Variants in PTPRD observed in about 807,000 individuals in gnomAD.
PTPRD encodes the protein protein tyrosine phosphatase receptor type D.
In PTPRD, 34 loss-of-function variants were observed where a neutral mutation model predicts 214.5. That is an observed-to-expected ratio of 0.16 (90% CI 0.12 to 0.21). The LOEUF (loss-of-function observed/expected upper bound fraction) is 0.21. PTPRD is among the 10% of genes least tolerant of loss of function. PTPRD has a pLI of 1.00. For missense variants in PTPRD, 2,545 were observed against 2,398.7 expected (o/e 1.06, Z -1.27); for synonymous variants, 1,128 against 845.7 (o/e 1.33, Z -5.79).
chr9:9,918,365 A>C (rs939381721), intron 5 of PTPRD, among the ~76,000 whole-genome samples: 3 of 150,534 alleles, frequency 2.0e-5, no homozygotes, highest in African/African-American at 7.3e-5. Flanking sequence ...AAAAAAAAAA[A>C]AAAAACTCCA....
At chr9:10,599,017 T>C (rs1256256940) in intron 2 of PTPRD, among the ~76,000 whole-genome samples, 4 of 151,642 alleles carry the variant, frequency 2.6e-5, no homozygotes, top group African/African-American at 4.8e-5. Flanking sequence ...GGGACTACAT[T>C]TCCCAGCTTC....
intron 9 of PTPRD, among the ~76,000 whole-genome samples, chr9:9,271,177 C>T (rs930653684): frequency 6.6e-6 from 1 of 151,188 alleles, no homozygotes; most frequent in Non-Finnish European, 1.5e-5. Flanking sequence ...ATTAGTCATA[C>T]ATCTCAATTT....
chr9:9,684,975 T>C (rs575655112), intron 7 of PTPRD, among the ~76,000 whole-genome samples: 3 of 151,722 alleles, frequency 2.0e-5, no homozygotes, highest in African/African-American at 4.8e-5. Flanking sequence ...AAGAATCTTA[T>C]TTCGGTTGAT....
intron 20 of PTPRD, 92 bp from the exon 21 acceptor site, chr9:8,518,521 A>T (rs532870011): frequency 2.2e-6 from 2 of 899,606 alleles, no homozygotes; most frequent in Non-Finnish European, 3.3e-6. Context: ...TGACAGGATT[A>T]TGTATCTACT....
intron 3 of PTPRD, among the ~76,000 whole-genome samples, chr9:10,287,898 C>A (rs2095412642): frequency 6.6e-6 from 1 of 151,964 alleles, no homozygotes; most frequent in Non-Finnish European, 1.5e-5. Context: ...GGGGTTTTCT[C>A]TCCTAAGAGA....
At chr9:9,572,560 TG>T (rs2086797123) in intron 8 of PTPRD, among the ~76,000 whole-genome samples, 1 of 108,966 alleles carries the variant, frequency 9.2e-6, no homozygotes, top group East Asian at 2.1e-4. Flanking sequence ...CATATATATA[TG>T]TATATATATA....
chr9:9,440,681 G>A, intron 8 of PTPRD, among the ~76,000 whole-genome samples: 1 of 152,144 alleles, frequency 6.6e-6, no homozygotes, highest in South Asian at 2.1e-4. Flanking sequence ...CTGTCTTCAA[G>A]AAATCTATTT....
chr9:8,735,692 T>A (rs927104633), intron 11 of PTPRD, among the ~76,000 whole-genome samples: 1 of 151,950 alleles, frequency 6.6e-6, no homozygotes, highest in Non-Finnish European at 1.5e-5. Context: ...GGAGGATCAC[T>A]TGAGGCCAGG....
At chr9:10,430,602 T>C (rs649891) in intron 2 of PTPRD, among the ~76,000 whole-genome samples, 56,721 of 151,740 alleles carry the variant, frequency 0.37, 14,724 homozygotes, top group East Asian at 0.76. Flanking sequence ...TAAGATAGTC[T>C]GCTGAAACAA....
At chr9:8,327,860 T>C (rs1490507157) in intron 44 of PTPRD, among the ~76,000 whole-genome samples, 1 of 152,186 alleles carries the variant, frequency 6.6e-6, no homozygotes, top group Non-Finnish European at 1.5e-5. Flanking sequence ...TGCTTTCCAT[T>C]TGCTTGGTAA....
At chr9:9,175,466 C>A (rs563898161) in intron 10 of PTPRD, among the ~76,000 whole-genome samples, 28 of 151,314 alleles carry the variant, frequency 1.9e-4, no homozygotes, top group Non-Finnish European at 3.5e-4. Context: ...ACTAAAAATA[C>A]AAAAAAATTA....
intron 10 of PTPRD, among the ~76,000 whole-genome samples, chr9:9,143,963 TTCCCCCTTCTAGG>T: frequency 6.6e-6 from 1 of 152,304 alleles, no homozygotes; most frequent in East Asian, 1.9e-4. Context: ...TTTAGGTATT[TTCCCCCTTCTAGG>T]AGCAGATGTT....
intron 3 of PTPRD, among the ~76,000 whole-genome samples, chr9:10,182,586 G>A (rs1195948006): frequency 6.6e-6 from 1 of 152,088 alleles, no homozygotes; most frequent in African/African-American, 2.4e-5. Flanking sequence ...AAAATTCACA[G>A]AGGGGGAAAC....
At chr9:8,340,274 G>C (rs1046786091) in intron 42 of PTPRD, 69 bp downstream of exon 42, 1 of 1,474,750 alleles carries the variant, frequency 6.8e-7, no homozygotes, top group Non-Finnish European at 9.2e-7. Context: ...AAGAGTTATT[G>C]AAACAAAGTC....
At chr9:8,973,170 T>G (rs905452627) in intron 11 of PTPRD, among the ~76,000 whole-genome samples, 10 of 152,006 alleles carry the variant, frequency 6.6e-5, no homozygotes, top group African/African-American at 2.4e-4. Context: ...ACCCAGGGTG[T>G]GAGCATAATA....
At chr9:10,507,480 C>T (rs772967944) in intron 2 of PTPRD, among the ~76,000 whole-genome samples, 7 of 152,016 alleles carry the variant, frequency 4.6e-5, no homozygotes, top group Non-Finnish European at 7.4e-5. Context: ...AAAAATAGCC[C>T]GCATTGCCAA....
chr9:9,985,751 A>G (rs1452902176), intron 4 of PTPRD, among the ~76,000 whole-genome samples: 2 of 151,950 alleles, frequency 1.3e-5, no homozygotes, highest in African/African-American at 4.8e-5. Flanking sequence ...ATTATCATTT[A>G]TAATAACAGT....
intron 11 of PTPRD, among the ~76,000 whole-genome samples, chr9:8,927,507 C>T (rs181267865): frequency 6.6e-6 from 1 of 152,234 alleles, no homozygotes; most frequent in Admixed American, 6.5e-5. Flanking sequence ...TGGTTTCCAG[C>T]TTCATCCATG....
chr9:10,489,851 C>A (rs182015103), intron 2 of PTPRD, among the ~76,000 whole-genome samples: 1 of 152,258 alleles, frequency 6.6e-6, no homozygotes, highest in East Asian at 1.9e-4. Flanking sequence ...ACACTCCATG[C>A]ATAAAGCTGC....
Sources: gnomAD v4.1 joint callset for allele counts (sites outside exome capture counted in the v4.1 genomes callset) on GRCh38, gnomAD v4.1.1 for gene constraint, MANE v1.5 for transcripts, NCBI Gene and HGNC (gene_info 2026-07-23, HGNC 2026-07-21) for gene names.